Variants in PTPRD observed in about 807,000 individuals in gnomAD.
PTPRD encodes protein tyrosine phosphatase receptor type D.
In PTPRD, 34 loss-of-function variants were observed where a neutral mutation model predicts 214.5. The observed-to-expected ratio is 0.16, with a 90% CI of 0.12 to 0.21. The LOEUF (loss-of-function observed/expected upper bound fraction) is 0.21. PTPRD is among the 10% of genes least tolerant of loss of function. PTPRD has a pLI of 1.00. For synonymous variants in PTPRD, 1,128 were observed against 845.7 expected, an observed-to-expected ratio of 1.33 and a Z score of -5.79; for missense variants, 2,545 against 2,398.7, an observed-to-expected ratio of 1.06 and a Z score of -1.27.
At chr9:10,249,821 G>A (rs772759779) in intron 3 of PTPRD, among the ~76,000 whole-genome samples, 3 of 151,850 alleles carry the variant, frequency 2.0e-5, no homozygotes, top group South Asian at 2.1e-4. Context: ...TTTAGGTGAC[G>A]GCATCACAGT....
chr9:9,249,920 T>G (rs2099974761), intron 9 of PTPRD, among the ~76,000 whole-genome samples: 1 of 152,106 alleles, frequency 6.6e-6, no homozygotes, highest in South Asian at 2.1e-4. Flanking sequence ...TACTTTGTCT[T>G]AATGAATGGA....
At chr9:8,572,020 T>C (rs2091284520) in intron 14 of PTPRD, among the ~76,000 whole-genome samples, 1 of 152,064 alleles carries the variant, frequency 6.6e-6, no homozygotes, top group Admixed American at 6.6e-5. Context: ...ATGATATAGA[T>C]ATTAAAGCCA....
chr9:8,353,937 CATAT>C (rs59488682), intron 39 of PTPRD, among the ~76,000 whole-genome samples: 13,097 of 61,178 alleles, frequency 0.21, 2,609 homozygotes, highest in South Asian at 0.31. Flanking sequence ...TGTGTGTGTA[CATAT>C]ATATATATAT....
At chr9:9,198,527 T>G (rs993504268) in intron 9 of PTPRD, among the ~76,000 whole-genome samples, 7 of 151,866 alleles carry the variant, frequency 4.6e-5, no homozygotes, top group African/African-American at 1.7e-4. Flanking sequence ...TCTGCTGCTC[T>G]CAAGTCATTC....
intron 5 of PTPRD, among the ~76,000 whole-genome samples, chr9:9,876,251 T>C (rs559192290): frequency 1.9e-4 from 29 of 152,290 alleles, no homozygotes; most frequent in African/African-American, 6.5e-4. Context: ...AGATTTTTCT[T>C]GTTTATCAAA....
chr9:9,364,729 A>G (rs1277925261), intron 9 of PTPRD, among the ~76,000 whole-genome samples: 1 of 151,514 alleles, frequency 6.6e-6, no homozygotes, highest in East Asian at 1.9e-4. Context: ...AAAGACCTTT[A>G]GGCTGCTATA....
intron 2 of PTPRD, among the ~76,000 whole-genome samples, chr9:10,435,401 A>G (rs566871968): frequency 1.3e-5 from 2 of 152,004 alleles, no homozygotes; most frequent in Admixed American, 6.6e-5. Flanking sequence ...AGTATATTCA[A>G]TTTCACAGAA....
intron 3 of PTPRD, among the ~76,000 whole-genome samples, chr9:10,260,607 A>G (rs968963630): frequency 5.9e-5 from 9 of 152,156 alleles, no homozygotes; most frequent in Non-Finnish European, 1.2e-4. Context: ...CTCCTTAAGA[A>G]TGTCTAAATC....
At chr9:9,753,851 T>C (rs1343634727) in intron 6 of PTPRD, among the ~76,000 whole-genome samples, 1 of 152,050 alleles carries the variant, frequency 6.6e-6, no homozygotes, top group Non-Finnish European at 1.5e-5. Context: ...TTCATGCCCC[T>C]ATCCTTACAT....
At chr9:9,109,912 T>C (rs2099803708) in intron 10 of PTPRD, among the ~76,000 whole-genome samples, 1 of 151,938 alleles carries the variant, frequency 6.6e-6, no homozygotes, top group South Asian at 2.1e-4. Context: ...AGACTGAAGA[T>C]GAGGGAGACA....
intron 12 of PTPRD, among the ~76,000 whole-genome samples, chr9:8,724,710 G>C (rs2098539031): frequency 6.6e-6 from 1 of 152,040 alleles, no homozygotes; most frequent in Non-Finnish European, 1.5e-5. Context: ...AAGGTGGGTG[G>C]AGAGCTTGAG....
At chr9:8,868,234 C>T (rs1360245909) in intron 11 of PTPRD, among the ~76,000 whole-genome samples, 1 of 152,152 alleles carries the variant, frequency 6.6e-6, no homozygotes, top group African/African-American at 2.4e-5. Context: ...AGAGTCTCCT[C>T]TGTACCCTAG....
chr9:9,308,554 C>A (rs986002525), intron 9 of PTPRD, among the ~76,000 whole-genome samples: 1 of 152,170 alleles, frequency 6.6e-6, no homozygotes, highest in Non-Finnish European at 1.5e-5. Context: ...CATCTGCTCT[C>A]ATCTGGAATA....
chr9:9,739,683 TATATG>T (rs2098367943), intron 6 of PTPRD, among the ~76,000 whole-genome samples: 1 of 152,010 alleles, frequency 6.6e-6, no homozygotes, highest in Admixed American at 6.6e-5. Context: ...TGCAGTACAA[TATATG>T]ATATAATATT....
At chr9:9,478,865 T>A (rs2146968875) in intron 8 of PTPRD, among the ~76,000 whole-genome samples, 1 of 152,314 alleles carries the variant, frequency 6.6e-6, no homozygotes, top group East Asian at 1.9e-4. Context: ...GAGTTCCATC[T>A]CATGTTTGCT....
At position 9,969,275 on chromosome 9, in the gene PTPRD, G is replaced by C. The variant is rs147459069; in HGVS notation, c.-471-30665C>G. ...CACAGTCTCAGGGATAGTCTAGTGG[G>C]AGATGAAGCTGAACACTAGCAAGGA... On this transcript the variant is annotated intron_variant, in intron 4 of 45. Transcript: ENST00000381196. Among the ~76,000 whole-genome samples the C allele has an allele frequency of 4.1e-4, 62 of 152,310 alleles. 2 individuals carry two copies. In the East Asian group the frequency reaches 0.011, roughly 27 times the overall value.
chr9:10,541,737 A>T (rs1318049794), intron 2 of PTPRD, among the ~76,000 whole-genome samples: 1 of 152,080 alleles, frequency 6.6e-6, no homozygotes, highest in African/African-American at 2.4e-5. Flanking sequence ...AGACAATTCT[A>T]TGGAAATTTA....
At chr9:8,465,805 C>A (rs987938457) in intron 31 of PTPRD, 130 bp from the exon 32 acceptor site, 1 of 688,054 alleles carries the variant, frequency 1.5e-6, no homozygotes, top group Non-Finnish European at 2.4e-6. Flanking sequence ...TCATATAGCA[C>A]ATCAGCATCA....
Position 8,341,168 on chromosome 9 carries a change from G to A in PTPRD, c.5048C>T (p.Ser1683Phe), listed in dbSNP as rs2132430934. The A allele has an allele frequency of 1.2e-6, 2 of 1,613,036 alleles. No individual in the cohort carries two copies. The highest frequency in any genetic ancestry group is 4.5e-5 in the East Asian group (2 of 44,824). ...NRLVNIMPYESTRVCLQPIRG... is the reference protein window; with the variant it reads ...NRLVNIMPYEFTRVCLQPIRG... ...GATAGGCTGCAGGCATACCCTTGTG[G>A]ATTCATATGGCATAATATTAACAAG... The change falls in exon 41 of 46, where the codon TCC (serine) becomes TTC (phenylalanine). Residue 1683 changes from serine (S) to phenylalanine (F), a missense_variant. Transcript: ENST00000381196.
Sources: gnomAD v4.1 joint callset for allele counts (sites outside exome capture counted in the v4.1 genomes callset) on GRCh38, gnomAD v4.1.1 for gene constraint, MANE v1.5 for transcripts, NCBI Gene and HGNC (gene_info 2026-07-23, HGNC 2026-07-21) for gene names.